The following SYNJ2BP variants were observed in gnomAD, a reference collection of about 807,000 sequenced individuals.
SYNJ2BP encodes synaptojanin 2 binding protein, also known as synaptojanin-2-binding protein.
A neutral mutation model predicts 16.9 loss-of-function variants in SYNJ2BP; 10 were observed. The ratio of observed to expected loss-of-function variants is 0.59; its 90% CI spans 0.36 to 1.00. The LOEUF (loss-of-function observed/expected upper bound fraction) is 1.00. Ranked by LOEUF, SYNJ2BP falls within the 50% of genes least tolerant of loss-of-function variation. SYNJ2BP has a pLI of 0.01. For synonymous variants in SYNJ2BP, 54 were observed against 68.4 expected (o/e 0.79, Z 1.04); for missense variants, 162 against 186.7 (o/e 0.87, Z 0.77).
intron 1 of SYNJ2BP, among the ~76,000 whole-genome samples, chr14:70,399,668 C>T (rs1888192648): frequency 6.6e-6 from 1 of 151,744 alleles, no homozygotes; most frequent in Non-Finnish European, 1.5e-5. Context: ...ATGAATTCCC[C>T]CTCTGAAGAG....
intron 1 of SYNJ2BP, among the ~76,000 whole-genome samples, chr14:70,412,848 G>A (rs538253703): frequency 3.3e-5 from 5 of 152,212 alleles, no homozygotes; most frequent in African/African-American, 1.2e-4. Flanking sequence ...TGTACAGTAA[G>A]GTTGTCTTTA....
intron 1 of SYNJ2BP, among the ~76,000 whole-genome samples, chr14:70,407,012 T>C (rs750292900): frequency 6.6e-6 from 1 of 152,216 alleles, no homozygotes. Context: ...ATGTGAATCA[T>C]GCCTCAAAAA....
At chr14:70,374,455 T>C (rs1331737592) in intron 3 of SYNJ2BP, among the ~76,000 whole-genome samples, 1 of 152,196 alleles carries the variant, frequency 6.6e-6, no homozygotes, top group Non-Finnish European at 1.5e-5. Flanking sequence ...AGAGTGCACC[T>C]ATTTAAGAAG....
chr14:70,390,560 C>T (rs1887958036), intron 1 of SYNJ2BP, among the ~76,000 whole-genome samples: 1 of 151,660 alleles, frequency 6.6e-6, no homozygotes. Flanking sequence ...CCCAGCTACT[C>T]GGGAGGCTGA....
chr14:70,392,264 C>T (rs1022312101), intron 1 of SYNJ2BP, among the ~76,000 whole-genome samples: 3 of 152,204 alleles, frequency 2.0e-5, no homozygotes, highest in African/African-American at 7.2e-5. Context: ...TGGACAGTTC[C>T]TATTTTAACC....
intron 2 of SYNJ2BP, among the ~76,000 whole-genome samples, chr14:70,385,956 T>G (rs1011537638): frequency 2.6e-5 from 4 of 152,160 alleles, no homozygotes; most frequent in Non-Finnish European, 4.4e-5. Context: ...AAATTTCAAG[T>G]TCTTAGCATG....
intron 1 of SYNJ2BP, among the ~76,000 whole-genome samples, chr14:70,411,449 T>C (rs1236419140): frequency 6.6e-6 from 1 of 152,222 alleles, no homozygotes; most frequent in Admixed American, 6.5e-5. Context: ...GATAGAACTT[T>C]AGAGAAAGAT....
chr14:70,373,371 G>A (rs61977542), intron 3 of SYNJ2BP, among the ~76,000 whole-genome samples: 71,349 of 152,000 alleles, frequency 0.47, 17,434 homozygotes, highest in South Asian at 0.55. Flanking sequence ...AAAGGGACCC[G>A]TGAGGGCAAG....
At chr14:70,400,095 T>A (rs1485676162) in intron 1 of SYNJ2BP, among the ~76,000 whole-genome samples, 1 of 152,236 alleles carries the variant, frequency 6.6e-6, no homozygotes, top group Non-Finnish European at 1.5e-5. Flanking sequence ...AGTCTTCCAT[T>A]AGTTCAGATC....
At position 70,375,624 on chromosome 14, in the gene SYNJ2BP, A is replaced by C. The variant is rs866592819; in HGVS notation, c.297+52T>G. On this transcript the variant is annotated intron_variant, in intron 3 of 3. Transcript: ENST00000256366. ...GATTACACACATTGGGCTTATTCAG[A>C]AGTACAGTGCAAAAGCCTGGTGCCA... The C allele has an allele frequency of 8.8e-6, 14 of 1,584,214 alleles. No individual in the cohort carries two copies. In the Middle Eastern group the frequency reaches 5.1e-4, roughly 58 times the overall value.
chr14:70,391,407 C>T (rs887042160), intron 1 of SYNJ2BP, among the ~76,000 whole-genome samples: 8 of 152,102 alleles, frequency 5.3e-5, no homozygotes, highest in African/African-American at 1.4e-4. Context: ...CAATTTGTAT[C>T]ATAGAAGGTA....
intron 1 of SYNJ2BP, among the ~76,000 whole-genome samples, chr14:70,414,199 A>T (rs1888552611): frequency 2.0e-5 from 3 of 152,190 alleles, no homozygotes; most frequent in African/African-American, 7.2e-5. Flanking sequence ...TTCTTTGTTA[A>T]CTGAACCAAC....
At chr14:70,392,991 G>A (rs910590824) in intron 1 of SYNJ2BP, among the ~76,000 whole-genome samples, 6 of 152,172 alleles carry the variant, frequency 3.9e-5, no homozygotes, top group African/African-American at 1.4e-4. Flanking sequence ...CTTTTGCTCA[G>A]CAAAAGAAAC....
At chr14:70,376,739 T>C (rs1887639212) in intron 2 of SYNJ2BP, among the ~76,000 whole-genome samples, 1 of 152,252 alleles carries the variant, frequency 6.6e-6, no homozygotes, top group Admixed American at 6.5e-5. Flanking sequence ...CAGTGAGATT[T>C]GTGCTGGAGC....
At chr14:70,399,927 C>T (rs1371757589) in intron 1 of SYNJ2BP, among the ~76,000 whole-genome samples, 1 of 152,170 alleles carries the variant, frequency 6.6e-6, no homozygotes, top group Non-Finnish European at 1.5e-5. Context: ...TTTGACAGCC[C>T]ACCCCTTTTA....
Position 70,417,039 on chromosome 14 carries a change from T to C in SYNJ2BP, c.-76A>G, listed in dbSNP as rs1888630036. 1.2e-6 allele frequency: 2 copies of C among 1,610,334 alleles called. No homozygotes were observed. Among genetic ancestry groups the C allele is most frequent in the Non-Finnish European group, 1.7e-6 (2 of 1,178,012 alleles). On this transcript the variant is annotated 5_prime_UTR_variant, in exon 1 of 4. Coordinates refer to ENST00000256366, the MANE Select transcript of SYNJ2BP (RefSeq NM_018373.3). Reference sequence around the variant, plus strand: ...GGTGAAGGTGAATCAATCTCGGCGCTGCGCCCACAGCACAGCGGTTTCGGT... The same window carrying C: ...GGTGAAGGTGAATCAATCTCGGCGCCGCGCCCACAGCACAGCGGTTTCGGT...
Position 70,403,815 on chromosome 14 carries a change from T to C in SYNJ2BP, c.64+13085A>G, listed in dbSNP as rs117994238. 0.012 allele frequency among the ~76,000 whole-genome samples: 1,770 copies of C among 152,334 alleles called. 91 individuals carry two copies. The East Asian group carries it at 0.15, about 13-fold the overall frequency. On this transcript the variant is annotated intron_variant, in intron 1 of 3. Transcript: ENST00000256366. ...TTTATGGACTGCCTCAAATTCTTTC[T>C]TGCGTGAGATCCAAGAACCCTCTCT...
Position 70,368,144 on chromosome 14 carries a change from T to A in SYNJ2BP, c.*4847A>T, listed in dbSNP as rs943520205. ...GCTTATTTACACAATAAAAACAATG[T>A]CCACCATAAAAAAAAAAGTCTCTAG... On this transcript the variant is annotated 3_prime_UTR_variant, in exon 4 of 4. Coordinates refer to ENST00000256366, the MANE Select transcript of SYNJ2BP (RefSeq NM_018373.3). 2.5e-4 allele frequency: 38 copies of A among 151,600 alleles called. No individual in the cohort carries two copies. The highest frequency in any genetic ancestry group is 8.8e-4 in the African/African-American group (36 of 40,972). 9.4% of individuals were successfully genotyped at this position (151,600 alleles called of 1,614,324 possible). A position where few individuals can be genotyped will look rare whatever the true frequency, so the allele number is the denominator to read the frequency against.
chr14:70,392,417 T>C (rs1887998101), intron 1 of SYNJ2BP, among the ~76,000 whole-genome samples: 1 of 152,216 alleles, frequency 6.6e-6, no homozygotes, highest in Non-Finnish European at 1.5e-5. Flanking sequence ...CAGCTTCCTT[T>C]TCTACAAAAA....
Sources: gnomAD v4.1 joint callset for allele counts (sites outside exome capture counted in the v4.1 genomes callset) on GRCh38, gnomAD v4.1.1 for gene constraint, MANE v1.5 for transcripts, NCBI Gene and HGNC (gene_info 2026-07-23, HGNC 2026-07-21) for gene names.